The following KIAA0586 variants were observed in gnomAD, a reference collection of about 807,000 sequenced individuals.
KIAA0586 encodes KIAA0586.
KIAA0586 carries 144 observed loss-of-function variants against 169.8 expected under a neutral mutation model. That is an observed-to-expected ratio of 0.85 (90% CI 0.74 to 0.97). The LOEUF is 0.97. Among genes scored for constraint, KIAA0586 ranks in the 50% least tolerant of loss-of-function variants. The probability of loss-of-function intolerance (pLI) is 0.00; values close to 1 mark genes in which losing one functional copy is unlikely to be tolerated. For missense variants in KIAA0586, 1,854 were observed against 1,823.0 expected (o/e 1.02, Z -0.31); for synonymous variants, 625 against 612.4 (o/e 1.02, Z -0.30).
chr14:58,460,057 AAG>A lies in KIAA0586; in HGVS notation c.1877_1878del (p.Arg626LysfsTer14). 1 of 1,508,798 alleles carries A rather than the reference AAG, an allele frequency of 6.6e-7. No homozygotes were observed. Among genetic ancestry groups the A allele is most frequent in the Non-Finnish European group, 8.9e-7 (1 of 1,125,574 alleles). 93.5% of individuals were successfully genotyped at this position (1,508,798 alleles called of 1,614,324 possible). A position where few individuals can be genotyped will look rare whatever the true frequency, so the allele number is the denominator to read the frequency against. On this transcript the variant is annotated frameshift_variant, in exon 13 of 31. Coordinates refer to ENST00000652326, the MANE Select transcript of KIAA0586 (RefSeq NM_001329943.3). LOFTEE classifies it high-confidence loss of function. Reference sequence around the variant, plus strand: ...GGCATGCCTGCTTCAAGTTTACAGAAAGAGAGAAAGGAAGTAAGATCCTAATC... The same window carrying A: ...GGCATGCCTGCTTCAAGTTTACAGAAAGAGAAAGGAAGTAAGATCCTAATC...
At chr14:58,442,591 T>C in intron 4 of KIAA0586, 115 bp from the exon 5 acceptor site, 1 of 704,072 alleles carries the variant, frequency 1.4e-6, no homozygotes, top group South Asian at 2.3e-5. Flanking sequence ...GTTTGATAGG[T>C]GATTTAATTA....
chr14:58,493,721 A>G (rs1333593712), intron 26 of KIAA0586, among the ~76,000 whole-genome samples: 3 of 152,238 alleles, frequency 2.0e-5, no homozygotes, highest in African/African-American at 7.2e-5. Context: ...AGATCATTTC[A>G]CTGGAAAAAT....
At chr14:58,456,924 A>G in intron 10 of KIAA0586, 114 bp downstream of exon 10, 1 of 650,318 alleles carries the variant, frequency 1.5e-6, no homozygotes, top group South Asian at 2.0e-5. Context: ...GCACTGAAAA[A>G]GATATGTCAG....
At chr14:58,450,183 A>G (rs1176556842) in intron 7 of KIAA0586, among the ~76,000 whole-genome samples, 2 of 152,120 alleles carry the variant, frequency 1.3e-5, no homozygotes, top group Admixed American at 6.6e-5. Flanking sequence ...TTTAAAGCAC[A>G]TTTTCTTTCT....
chr14:58,508,944 T>A (rs1312854593), intron 28 of KIAA0586, among the ~76,000 whole-genome samples: 3 of 152,020 alleles, frequency 2.0e-5, no homozygotes, highest in African/African-American at 7.2e-5. Context: ...AAGAATAAAA[T>A]AATGGCCAGG....
In KIAA0586 at chr14:58,508,653, C is replaced by T; in HGVS notation, c.4267C>T (p.Leu1423=). Residue 1423 remains leucine, a synonymous_variant, in exon 28 of 31, where the codon CTG becomes TTG. Transcript: ENST00000652326. The part of the protein sequence containing the change: ...NSKLVLPTTL[L]TAQENDVNLP... The stretch of plus-strand genomic sequence containing the variant: ...TAAGCTGGTTCTTCCCACAACACTT[C>T]TGACAGCACAAGAAAATGATGTTAA... 3 of 1,595,004 alleles carry T rather than the reference C, an allele frequency of 1.9e-6. No homozygotes were observed. Among genetic ancestry groups the T allele is most frequent in the Non-Finnish European group, 2.6e-6 (3 of 1,170,098 alleles).
At chr14:58,503,072 T>A (rs1207372311) in intron 27 of KIAA0586, among the ~76,000 whole-genome samples, 2 of 152,072 alleles carry the variant, frequency 1.3e-5, no homozygotes, top group Non-Finnish European at 2.9e-5. Flanking sequence ...CTTTGAGGAG[T>A]TGTCTTGGGA....
chr14:58,539,483 C>G (rs1343564671), intron 29 of KIAA0586, among the ~76,000 whole-genome samples: 1 of 152,148 alleles, frequency 6.6e-6, no homozygotes, highest in African/African-American at 2.4e-5. Flanking sequence ...TGGCCTGAGA[C>G]CTATATGTGC....
At position 58,444,012 on chromosome 14, in the gene KIAA0586, A is replaced by C. The variant is rs2038639730; in HGVS notation, c.644A>C (p.Gln215Pro). Residue 215 changes from glutamine to proline, a missense_variant, in exon 6 of 31, where the codon CAG becomes CCG. Gln to Pro is a moderately conservative substitution (Grantham distance 76, BLOSUM62 -1). Transcript: ENST00000652326. ...GTTACAGAATTACTTAGTAAATTACAGGAGACTGATAAACACCTGCAACGT... is the reference window on the plus strand; with the variant it reads ...GTTACAGAATTACTTAGTAAATTACCGGAGACTGATAAACACCTGCAACGT... ...NSVTELLSKL[Q>P]ETDKHLQRVT... is the part of the protein sequence containing the mutation. 1 of 1,611,904 alleles carries C rather than the reference A, an allele frequency of 6.2e-7. No homozygotes were observed.
intron 29 of KIAA0586, among the ~76,000 whole-genome samples, chr14:58,517,288 A>G (rs545565384): frequency 1.3e-5 from 2 of 152,340 alleles, no homozygotes; most frequent in South Asian, 2.1e-4. Context: ...ACACTAGGAA[A>G]ACAACCCAAT....
chr14:58,449,576 T>C (rs907532452), intron 7 of KIAA0586, among the ~76,000 whole-genome samples: 8 of 152,096 alleles, frequency 5.3e-5, no homozygotes, highest in African/African-American at 1.7e-4. Context: ...TGTGAAGTAA[T>C]ATGAGTCCAT....
At chr14:58,453,503 G>T in intron 9 of KIAA0586, 30 bp downstream of exon 9, 1 of 1,433,530 alleles carries the variant, frequency 7.0e-7, no homozygotes, top group Non-Finnish European at 9.2e-7. Context: ...ATGAAAACTA[G>T]ATTGAAAAGA....
chr14:58,430,475 A>ATC (rs2037266832), intron 2 of KIAA0586, among the ~76,000 whole-genome samples, 173 bp from the exon 3 acceptor site: 1 of 152,220 alleles, frequency 6.6e-6, no homozygotes, highest in African/African-American at 2.4e-5. Flanking sequence ...CATTCAACAA[A>ATC]TCTTTGAGTA....
Position 58,441,107 on chromosome 14 carries a change from AT to A in KIAA0586, c.411-1591del, listed in dbSNP as rs71107948. The A allele has an allele frequency of 0.99, 204,739 of 207,190 alleles. 101,206 individuals are homozygous for A. The highest frequency in any genetic ancestry group is 1 in the Non-Finnish European group (95,609 of 95,624). The allele number at this position is 207,190 out of a possible 1,614,324, so 12.8% of individuals were successfully genotyped here. Reference sequence around the variant, plus strand: ...AAATATCACACTGTAAATATATACAATTTTTTTTCAATTATACCTCAGTAAA... The same window carrying A: ...AAATATCACACTGTAAATATATACAATTTTTTTCAATTATACCTCAGTAAA... On this transcript the variant is annotated intron_variant, in intron 4 of 30. Coordinates refer to ENST00000652326, the MANE Select transcript of KIAA0586 (RefSeq NM_001329943.3).
intron 8 of KIAA0586, among the ~76,000 whole-genome samples, chr14:58,451,392 A>G (rs1192090922): frequency 1.3e-5 from 2 of 151,584 alleles, no homozygotes; most frequent in Admixed American, 6.6e-5. Context: ...ACACCAGGCT[A>G]ATTTTTGTAT....
chr14:58,535,699 A>AT (rs3041108), intron 29 of KIAA0586, among the ~76,000 whole-genome samples: 1,604 of 141,302 alleles, frequency 0.011, 30 homozygotes, highest in African/African-American at 0.032. Context: ...AATTTATTGG[A>AT]TTTTTTTTTT....
chr14:58,499,759 A>G (rs2043425471), intron 27 of KIAA0586, among the ~76,000 whole-genome samples: 2 of 151,186 alleles, frequency 1.3e-5, no homozygotes, highest in African/African-American at 4.9e-5. Flanking sequence ...GGGTTTCACT[A>G]TGTTGGCCAG....
At chr14:58,475,138 AC>A (rs2041510590) in intron 19 of KIAA0586, among the ~76,000 whole-genome samples, 1 of 152,230 alleles carries the variant, frequency 6.6e-6, no homozygotes, top group East Asian at 1.9e-4. Flanking sequence ...ACGAACCAGT[AC>A]CAGTCTGTGG....
intron 27 of KIAA0586, among the ~76,000 whole-genome samples, chr14:58,507,602 A>T (rs12885064): frequency 0.57 from 86,901 of 151,310 alleles, 25,925 homozygotes; most frequent in Middle Eastern, 0.67. Flanking sequence ...AGACAGTTAC[A>T]ATGATGTCTA....
Sources: allele counts gnomAD v4.1 joint callset (sites outside exome capture counted in the v4.1 genomes callset), GRCh38; gene constraint gnomAD v4.1.1; transcripts MANE v1.5; gene names NCBI Gene and HGNC (gene_info 2026-07-23, HGNC 2026-07-21).